CDH12: variants seen among roughly 807,000 people sequenced by gnomAD.
The protein encoded by CDH12 is cadherin-12.
CDH12 carries 41 observed loss-of-function variants against 74.1 expected under a neutral mutation model. The observed-to-expected ratio is 0.55, with a 90% CI of 0.43 to 0.72. CDH12 has a LOEUF of 0.72. CDH12 is among the 30% of genes least tolerant of loss of function. The probability of loss-of-function intolerance (pLI) is 0.00; values close to 1 mark genes in which losing one functional copy is unlikely to be tolerated. For synonymous variants in CDH12, 399 were observed against 355.0 expected, an observed-to-expected ratio of 1.12 and a Z score of -1.39; for missense variants, 945 against 977.2, an observed-to-expected ratio of 0.97 and a Z score of 0.44.
intron 8 of CDH12, among the ~76,000 whole-genome samples, chr5:21,818,579 G>A (rs1033027530): frequency 2.0e-5 from 3 of 151,810 alleles, no homozygotes; most frequent in African/African-American, 7.2e-5. Context: ...ATGCAGATCA[G>A]CCGTATTTAA....
intron 3 of CDH12, among the ~76,000 whole-genome samples, chr5:22,371,561 T>G (rs1219611682): frequency 3.9e-5 from 6 of 152,156 alleles, no homozygotes; most frequent in Non-Finnish European, 8.8e-5. Flanking sequence ...TATATTATTA[T>G]TTTTTAACCA....
intron 1 of CDH12, among the ~76,000 whole-genome samples, chr5:22,632,958 T>C (rs1738661610): frequency 6.6e-6 from 1 of 151,620 alleles, no homozygotes; most frequent in African/African-American, 2.4e-5. Context: ...GCAGGATAAA[T>C]ATAAATTCTA....
At chr5:21,826,334 C>A (rs1317461830) in intron 8 of CDH12, among the ~76,000 whole-genome samples, 3 of 152,164 alleles carry the variant, frequency 2.0e-5, no homozygotes, top group African/African-American at 7.2e-5. Context: ...GTCACTCTCT[C>A]AGCAAGTAGT....
At chr5:22,116,120 T>C (rs962523926) in intron 4 of CDH12, among the ~76,000 whole-genome samples, 2 of 152,180 alleles carry the variant, frequency 1.3e-5, no homozygotes, top group African/African-American at 4.8e-5. Context: ...CCTTAGTTTA[T>C]ATGGGTGGGA....
At chr5:22,599,222 A>T (rs931187687) in intron 1 of CDH12, among the ~76,000 whole-genome samples, 1 of 152,162 alleles carries the variant, frequency 6.6e-6, no homozygotes, top group Non-Finnish European at 1.5e-5. Flanking sequence ...AGAAAATTGC[A>T]CTATTCATTA....
chr5:21,776,480 G>A (rs1046593535), intron 11 of CDH12, among the ~76,000 whole-genome samples: 8 of 152,148 alleles, frequency 5.3e-5, no homozygotes, highest in Admixed American at 6.5e-5. Flanking sequence ...ACCTGTTCGT[G>A]AATAGCAGTG....
chr5:22,489,174 C>T (rs1364588588), intron 2 of CDH12, among the ~76,000 whole-genome samples: 1 of 150,144 alleles, frequency 6.7e-6, no homozygotes, highest in Non-Finnish European at 1.5e-5. Flanking sequence ...TCTCCTGCCT[C>T]AGCCTCCTGA....
intron 3 of CDH12, among the ~76,000 whole-genome samples, chr5:22,374,976 C>G (rs951702652): frequency 6.6e-6 from 1 of 151,820 alleles, no homozygotes; most frequent in Non-Finnish European, 1.5e-5. Context: ...TATAAAACTA[C>G]AAAAGACACC....
rs548390610 is a variant in CDH12 at position 22,204,418 on chromosome 5, C to T, written c.-187+8080G>A. Among the ~76,000 whole-genome samples, 520 of 152,282 alleles carry T rather than the reference C, an allele frequency of 3.4e-3. 2 individuals are homozygous for T. Among genetic ancestry groups the T allele is most frequent in the Non-Finnish European group, 6.4e-3 (432 of 68,008 alleles). On this transcript the variant is annotated intron_variant, in intron 4 of 14. Coordinates refer to ENST00000382254, the MANE Select transcript of CDH12 (RefSeq NM_004061.5). ...CCTCATGATCCGCCCGCCTCGGCCTCCCGAAGTGCTGGGATTACAGGCGTG... is the reference window on the plus strand; with the variant it reads ...CCTCATGATCCGCCCGCCTCGGCCTTCCGAAGTGCTGGGATTACAGGCGTG...
At chr5:22,257,093 G>C (rs1027165405) in intron 3 of CDH12, among the ~76,000 whole-genome samples, 3 of 152,154 alleles carry the variant, frequency 2.0e-5, no homozygotes, top group Non-Finnish European at 4.4e-5. Context: ...AATGCCACAT[G>C]TTCTCACTTA....
chr5:22,639,682 G>A (rs975691168), intron 1 of CDH12, among the ~76,000 whole-genome samples: 5 of 152,044 alleles, frequency 3.3e-5, no homozygotes, highest in Non-Finnish European at 5.9e-5. Flanking sequence ...GGAGCAAATC[G>A]TTTTATTTTT....
intron 1 of CDH12, among the ~76,000 whole-genome samples, chr5:22,736,408 G>C (rs373750354): frequency 6.6e-6 from 1 of 151,750 alleles, no homozygotes; most frequent in Non-Finnish European, 1.5e-5. Flanking sequence ...ATATTTGCAA[G>C]AAAGGTAATT....
chr5:22,706,748 A>G (rs1743028059), intron 1 of CDH12, among the ~76,000 whole-genome samples: 1 of 152,136 alleles, frequency 6.6e-6, no homozygotes, highest in Admixed American at 6.6e-5. Context: ...AAATTTCCAT[A>G]TTTGAATTAC....
chr5:22,183,530 G>A (rs921237140), intron 4 of CDH12, among the ~76,000 whole-genome samples: 2 of 152,126 alleles, frequency 1.3e-5, no homozygotes, highest in Admixed American at 1.3e-4. Flanking sequence ...CTATATGGTG[G>A]TAACCAGATA....
intron 3 of CDH12, among the ~76,000 whole-genome samples, chr5:22,389,510 A>G (rs1742138124): frequency 6.6e-6 from 1 of 152,172 alleles, no homozygotes; most frequent in Non-Finnish European, 1.5e-5. Flanking sequence ...TACTTAGGTA[A>G]AAAATACAAT....
chr5:21,960,734 CGT>C (rs763897547), intron 6 of CDH12, among the ~76,000 whole-genome samples: 182 of 151,530 alleles, frequency 1.2e-3, no homozygotes, highest in Middle Eastern at 6.8e-3. Flanking sequence ...TACACACACA[CGT>C]GTGTGTGTGT....
intron 4 of CDH12, among the ~76,000 whole-genome samples, chr5:22,151,457 T>C (rs569489218): frequency 6.6e-6 from 1 of 152,198 alleles, no homozygotes; most frequent in African/African-American, 2.4e-5. Context: ...GACTTGTAGA[T>C]AAATATCTTA....
At chr5:22,619,983 T>A (rs1318545269) in intron 1 of CDH12, among the ~76,000 whole-genome samples, 1 of 152,120 alleles carries the variant, frequency 6.6e-6, no homozygotes, top group African/African-American at 2.4e-5. Context: ...AATACAGATA[T>A]TGAATGCCTT....
chr5:22,234,348 G>C (rs1165078142), intron 3 of CDH12, among the ~76,000 whole-genome samples: 1 of 152,054 alleles, frequency 6.6e-6, no homozygotes, highest in African/African-American at 2.4e-5. Context: ...TGAATCATGG[G>C]GGCCAGTCTT....
Sources: allele counts gnomAD v4.1 joint callset (sites outside exome capture counted in the v4.1 genomes callset), GRCh38; gene constraint gnomAD v4.1.1; transcripts MANE v1.5; gene names NCBI Gene and HGNC (gene_info 2026-07-23, HGNC 2026-07-21).